The following TENM3 variants were observed in gnomAD, a reference collection of about 807,000 sequenced individuals.
TENM3 encodes the protein teneurin-3.
In TENM3, 63 loss-of-function variants were observed where a neutral mutation model predicts 255.1. The ratio of observed to expected loss-of-function variants is 0.25; its 90% CI spans 0.20 to 0.30. The LOEUF (loss-of-function observed/expected upper bound fraction) is 0.30, where lower values mean the gene tolerates loss of function less well. Among genes scored for constraint, TENM3 ranks in the 10% least tolerant of loss-of-function variants. The pLI is 1.00. For synonymous variants in TENM3, 1,306 were observed against 1,322.3 expected (o/e 0.99, Z 0.27); for missense variants, 2,929 against 3,461.1 (o/e 0.85, Z 3.86).
the TENM3 span, among the ~76,000 whole-genome samples, chr4:181,761,543 C>T: frequency 6.6e-6 from 1 of 152,156 alleles, no homozygotes; most frequent in African/African-American, 2.4e-5. Flanking sequence ...TTTCAACCTA[C>T]TTCTCCACAA....
At chr4:181,488,139 T>G in the TENM3 span, among the ~76,000 whole-genome samples, 2 of 152,330 alleles carry the variant, frequency 1.3e-5, no homozygotes, top group Admixed American at 6.5e-5. Context: ...GAGCCTCTAC[T>G]TAACTTCTCT....
chr4:181,947,052 A>G, the TENM3 span, among the ~76,000 whole-genome samples: 4 of 152,234 alleles, frequency 2.6e-5, no homozygotes, highest in Non-Finnish European at 5.9e-5. Flanking sequence ...TTCCTCATCT[A>G]TAAAATGGGC....
chr4:181,612,331 C>A, the TENM3 span, among the ~76,000 whole-genome samples: 2 of 152,170 alleles, frequency 1.3e-5, no homozygotes, highest in Non-Finnish European at 2.9e-5. Context: ...CCGTTGGGAC[C>A]ATAGAGGTGT....
the TENM3 span, among the ~76,000 whole-genome samples, chr4:181,763,537 TTA>T: frequency 3.2e-4 from 48 of 152,184 alleles, no homozygotes; most frequent in African/African-American, 1.1e-3. Flanking sequence ...AATGTGAAAA[TTA>T]TATGAAATTC....
chr4:181,929,768 C>G, the TENM3 span, among the ~76,000 whole-genome samples: 1 of 152,128 alleles, frequency 6.6e-6, no homozygotes, highest in Non-Finnish European at 1.5e-5. Context: ...TAAAATTAAC[C>G]ACATAATAGG....
At position 182,353,700 on chromosome 4, in the gene TENM3, G is replaced by A. The variant is rs111755001; in HGVS notation, c.511+6771G>A. Among the ~76,000 whole-genome samples, 664 of 152,260 alleles carry A rather than the reference G, an allele frequency of 4.4e-3. 2 individuals are homozygous for A. The highest frequency in any genetic ancestry group is 0.015 in the African/African-American group (635 of 41,550). ...ATGATTTAACTGGCTGGGCGTGGTG[G>A]CTCACGCCTGTAATCCCAGCACTTT... On this transcript the variant is annotated intron_variant, in intron 3 of 27. Coordinates refer to ENST00000511685, the MANE Select transcript of TENM3 (RefSeq NM_001080477.4).
At chr4:181,580,758 G>A in the TENM3 span, among the ~76,000 whole-genome samples, 1 of 152,140 alleles carries the variant, frequency 6.6e-6, no homozygotes, top group Non-Finnish European at 1.5e-5. Context: ...CATAAATCTG[G>A]CTCAGAATTC....
chr4:181,701,192 C>T, the TENM3 span, among the ~76,000 whole-genome samples: 546 of 152,280 alleles, frequency 3.6e-3, 4 homozygotes, highest in African/African-American at 0.013. Context: ...GAGGCACTCT[C>T]CCACCAAGGA....
At chr4:182,165,087 C>G (rs1217274209) in intron 1 of TENM3, among the ~76,000 whole-genome samples, 1 of 152,110 alleles carries the variant, frequency 6.6e-6, no homozygotes, top group Non-Finnish European at 1.5e-5. Context: ...AAAAGCCTCC[C>G]TAGTGTTTGT....
At chr4:181,736,141 T>C in the TENM3 span, among the ~76,000 whole-genome samples, 1 of 151,774 alleles carries the variant, frequency 6.6e-6, no homozygotes, top group African/African-American at 2.4e-5. Flanking sequence ...CTACTAAAAA[T>C]ACATAAATTA....
intron 3 of TENM3, among the ~76,000 whole-genome samples, chr4:182,387,375 G>A (rs1028049754): frequency 1.3e-5 from 2 of 152,156 alleles, no homozygotes; most frequent in East Asian, 1.9e-4. Context: ...ATCGGATGGG[G>A]AGGTGGAGAA....
At chr4:182,556,549 A>T (rs1187077436) in intron 3 of TENM3, among the ~76,000 whole-genome samples, 1 of 152,216 alleles carries the variant, frequency 6.6e-6, no homozygotes, top group Admixed American at 6.5e-5. Context: ...TTTTCTAAAG[A>T]ATTATTTAAA....
At chr4:182,271,978 C>G (rs1172608988) in intron 1 of TENM3, among the ~76,000 whole-genome samples, 2 of 152,172 alleles carry the variant, frequency 1.3e-5, no homozygotes, top group African/African-American at 4.8e-5. Flanking sequence ...GTCCTCGTGA[C>G]CGTTCGGCCA....
At chr4:182,380,291 C>CAA (rs150952337) in intron 3 of TENM3, among the ~76,000 whole-genome samples, 3 of 151,956 alleles carry the variant, frequency 2.0e-5, no homozygotes, top group Non-Finnish European at 4.4e-5. Context: ...AAAGCAAAAA[C>CAA]AAAAACAAAA....
chr4:182,267,486 C>T (rs999858092), intron 1 of TENM3, among the ~76,000 whole-genome samples: 1 of 152,076 alleles, frequency 6.6e-6, no homozygotes, highest in East Asian at 1.9e-4. Flanking sequence ...GGGAACCAAC[C>T]TCATACCTTG....
chr4:182,119,815 C>T, the TENM3 span, among the ~76,000 whole-genome samples: 4 of 152,076 alleles, frequency 2.6e-5, no homozygotes, highest in Non-Finnish European at 4.4e-5. Context: ...CAAGCTCCCA[C>T]CTCAGATCCC....
At chr4:181,798,437 T>A in the TENM3 span, among the ~76,000 whole-genome samples, 374 of 152,262 alleles carry the variant, frequency 2.5e-3, no homozygotes, top group African/African-American at 8.4e-3. Flanking sequence ...GACTCCCTAG[T>A]GGCTGGGAGC....
the TENM3 span, among the ~76,000 whole-genome samples, chr4:181,623,560 A>G: frequency 6.6e-6 from 1 of 152,240 alleles, no homozygotes. Flanking sequence ...GCAATGACTC[A>G]TGAAACTCGG....
intron 3 of TENM3, among the ~76,000 whole-genome samples, chr4:182,410,645 A>G (rs185721566): frequency 5.3e-4 from 81 of 152,372 alleles, no homozygotes; most frequent in Non-Finnish European, 5.6e-4. Context: ...TCAGTGCCAC[A>G]TGAAAATTAA....
Sources: gnomAD v4.1 joint callset for allele counts (sites outside exome capture counted in the v4.1 genomes callset) on GRCh38, gnomAD v4.1.1 for gene constraint, MANE v1.5 for transcripts, NCBI Gene and HGNC (gene_info 2026-07-23, HGNC 2026-07-21) for gene names.